SWI5: variants seen among roughly 807,000 people sequenced by gnomAD.
SWI5 encodes the protein DNA repair protein SWI5 homolog.
A neutral mutation model predicts 17.0 loss-of-function variants in SWI5; 12 were observed. That is an observed-to-expected ratio of 0.71 (90% CI 0.45 to 1.14). The LOEUF (loss-of-function observed/expected upper bound fraction) is 1.14. SWI5 is among the 50% of genes most tolerant of loss of function. The pLI is 0.00. For synonymous variants in SWI5, 61 were observed against 64.0 expected (o/e 0.95, Z 0.22); for missense variants, 158 against 162.2 (o/e 0.97, Z 0.14).
At chr9:128,287,745 A>T in intron 4 of SWI5, among the ~76,000 whole-genome samples, 1 of 151,808 alleles carries the variant, frequency 6.6e-6, no homozygotes, top group East Asian at 1.9e-4. Context: ...TATTTTTAGT[A>T]GAGACAGGGT....
In SWI5 at chr9:128,288,606, C is replaced by T. The variant is rs778986746; in HGVS notation, c.329-46C>T. The T allele has an allele frequency of 2.3e-5, 37 of 1,607,930 alleles. No homozygotes were observed. The African/African-American group carries it at 4.3e-4, about 19-fold the overall frequency. ...GCTCGGGGCATTGGCTGTACTCCCT[C>T]CCACCTCTCCCCACTGCACATTCAG... is the stretch of plus-strand genomic sequence containing the variant. On this transcript the variant is annotated intron_variant, in intron 4 of 4. Transcript: ENST00000418976.
At chr9:128,278,317 C>T (rs1831471959) in intron 2 of SWI5, among the ~76,000 whole-genome samples, 1 of 151,992 alleles carries the variant, frequency 6.6e-6, no homozygotes, top group African/African-American at 2.4e-5. Flanking sequence ...GCCTATAATC[C>T]CAGCACTTTG....
chr9:128,283,491 C>T (rs946795625), intron 2 of SWI5, among the ~76,000 whole-genome samples: 4 of 99,108 alleles, frequency 4.0e-5, no homozygotes, highest in South Asian at 5.2e-4. Flanking sequence ...AGTGAGACTC[C>T]GTCTCCAAAA....
chr9:128,284,404 G>C (rs1831596342), intron 2 of SWI5, 106 bp from the exon 3 acceptor site: 16 of 1,384,124 alleles, frequency 1.2e-5, no homozygotes, highest in Non-Finnish European at 1.6e-5. Context: ...GAGGGGGTTA[G>C]GGTGCCTATT....
At chr9:128,282,525 C>T (rs1831557285) in intron 2 of SWI5, among the ~76,000 whole-genome samples, 1 of 152,160 alleles carries the variant, frequency 6.6e-6, no homozygotes, top group African/African-American at 2.4e-5. Flanking sequence ...AGAGCTTTAA[C>T]TGGAAGCATC....
intron 2 of SWI5, among the ~76,000 whole-genome samples, chr9:128,281,068 C>T (rs573231169): frequency 1.4e-4 from 16 of 112,146 alleles, no homozygotes; most frequent in South Asian, 3.2e-4. Context: ...GAGAGAGTCT[C>T]GCTCTGTCAC....
At chr9:128,286,407 TAAGG>T (rs1831639681) in intron 4 of SWI5, 1 of 189,186 alleles carries the variant, frequency 5.3e-6, no homozygotes, top group South Asian at 1.4e-4. Context: ...CTTTGTGTCT[TAAGG>T]AAGTATTTTG....
intron 2 of SWI5, among the ~76,000 whole-genome samples, chr9:128,277,405 T>C (rs181565252): frequency 6.6e-6 from 1 of 152,020 alleles, no homozygotes; most frequent in Admixed American, 6.6e-5. Context: ...TACAAAAAAA[T>C]CAGCCGAGCG....
At chr9:128,277,947 T>TG (rs1831461688) in intron 2 of SWI5, among the ~76,000 whole-genome samples, 2 of 117,744 alleles carry the variant, frequency 1.7e-5, no homozygotes, top group African/African-American at 6.3e-5. Flanking sequence ...TCATTCCTTC[T>TG]CTTTTTTTTT....
intron 4 of SWI5, among the ~76,000 whole-genome samples, chr9:128,288,294 T>TA (rs1192565698): frequency 1.3e-5 from 2 of 152,160 alleles, no homozygotes; most frequent in Non-Finnish European, 2.9e-5. Context: ...ACAATCAGCT[T>TA]ACATTTGAAG....
intron 2 of SWI5, among the ~76,000 whole-genome samples, chr9:128,277,367 C>A (rs1831431406): frequency 6.6e-6 from 1 of 152,102 alleles, no homozygotes; most frequent in Non-Finnish European, 1.5e-5. Context: ...GCCTGCCCAA[C>A]ATGATGAAAC....
upstream of SWI5, chr9:128,276,080 G>A: frequency 2.5e-6 from 4 of 1,572,628 alleles, no homozygotes; most frequent in African/African-American, 1.4e-5. Flanking sequence ...CGCAGAATGG[G>A]GGCGTGGCCT....
chr9:128,278,590 G>C, intron 2 of SWI5: 1 of 448,336 alleles, frequency 2.2e-6, no homozygotes, highest in Non-Finnish European at 4.5e-6. Flanking sequence ...AGGCTCTATT[G>C]AGCATTGTCC....
intron 4 of SWI5, among the ~76,000 whole-genome samples, chr9:128,287,456 A>G: frequency 6.6e-6 from 1 of 151,060 alleles, no homozygotes; most frequent in Admixed American, 6.6e-5. Flanking sequence ...CCATCTCAAA[A>G]AAAAAAAAAA....
intron 4 of SWI5, among the ~76,000 whole-genome samples, chr9:128,287,138 T>A (rs1831653710): frequency 1.2e-5 from 1 of 85,686 alleles, no homozygotes; most frequent in Non-Finnish European, 2.0e-5. Flanking sequence ...CGAAACTCCA[T>A]CTCAAAAAAA....
chr9:128,285,211 A>G lies in SWI5; in HGVS notation c.233+580A>G, dbSNP rs1012062564. Among the ~76,000 whole-genome samples the G allele has an allele frequency of 1.3e-5, 2 of 151,260 alleles. No homozygotes were observed. The highest frequency in any genetic ancestry group is 6.6e-5 in the Admixed American group (1 of 15,090). ...GGGAGAGAGAGAGGAGAGGAAAGAAAAAGGAAGGAAGGAAAGAAAGGAAGG... is the reference window on the plus strand; with the variant it reads ...GGGAGAGAGAGAGGAGAGGAAAGAAGAAGGAAGGAAGGAAAGAAAGGAAGG... On this transcript the variant is annotated intron_variant, in intron 3 of 4. Transcript: ENST00000418976. This position sits in a 1 kb window ranked among gnomAD's most constrained non-coding sequence, Gnocchi z 4.8.
chr9:128,275,880 C>G, upstream of SWI5: 4 of 1,481,878 alleles, frequency 2.7e-6, no homozygotes, highest in Non-Finnish European at 2.8e-6. Context: ...GGCCGCGACC[C>G]GGTGCACTTT....
At chr9:128,276,120 A>C, upstream of SWI5, 1 of 1,567,592 alleles carries the variant, frequency 6.4e-7, no homozygotes, top group Non-Finnish European at 8.6e-7. Context: ...GTCAATGAGA[A>C]ATATGAAGCG....
At chr9:128,281,229 G>A (rs1032022708) in intron 2 of SWI5, among the ~76,000 whole-genome samples, 2 of 151,638 alleles carry the variant, frequency 1.3e-5, no homozygotes, top group East Asian at 3.9e-4. Context: ...GTAGAGACAG[G>A]GTTTCACTAT....
Sources: gnomAD v4.1 joint callset for allele counts (sites outside exome capture counted in the v4.1 genomes callset) on GRCh38, gnomAD v4.1.1 for gene constraint, Gnocchi (gnomAD v3.1) non-coding constraint, MANE v1.5 for transcripts, NCBI Gene and HGNC (gene_info 2026-07-23, HGNC 2026-07-21) for gene names.